SMC5: variants seen among roughly 807,000 people sequenced by gnomAD.
SMC5 encodes the protein structural maintenance of chromosomes protein 5.
A neutral mutation model predicts 148.3 loss-of-function variants in SMC5; 88 were observed. That is an observed-to-expected ratio of 0.59 (90% CI 0.50 to 0.71). The LOEUF (loss-of-function observed/expected upper bound fraction) is 0.71. SMC5 is among the 30% of genes least tolerant of loss of function. The pLI, the probability that SMC5 is intolerant of heterozygous loss-of-function variation, is 0.00. For synonymous variants in SMC5, 421 were observed against 432.8 expected (o/e 0.97, Z 0.34); for missense variants, 1,142 against 1,298.9 (o/e 0.88, Z 1.86).
chr9:70,268,124 A>C, intron 3 of SMC5, 149 bp downstream of exon 3: 2 of 631,856 alleles, frequency 3.2e-6, no homozygotes, highest in Non-Finnish European at 5.0e-6. Flanking sequence ...CCAGATAAGT[A>C]AGGGGTTTAA....
At chr9:70,326,412 A>G (rs1338121107) in intron 17 of SMC5, among the ~76,000 whole-genome samples, 1 of 152,092 alleles carries the variant, frequency 6.6e-6, no homozygotes, top group Non-Finnish European at 1.5e-5. Context: ...AGGCAAATGG[A>G]AATACAAATT....
rs775268552 is a variant in SMC5, at chr9:70,348,034, A to C, written c.2885A>C (p.Asn962Thr). 2 of 1,566,912 alleles carry C rather than the reference A, an allele frequency of 1.3e-6. No individual in the cohort carries two copies. Among genetic ancestry groups the C allele is most frequent in the African/African-American group, 2.8e-5 (2 of 72,136 alleles). ...GGTGAAGTTGATCTCCATACAGAAA[A>C]TGAGGTAAAATTGCATTTGAAATAA... ...CAGEVDLHTE[N>T]EEDYDKYGIR... The change falls in exon 22 of 25, where the codon AAT becomes ACT. Residue 962 changes from asparagine to threonine, a missense_variant. Physicochemically the swap from Asn to Thr is moderately conservative, Grantham distance 65 (BLOSUM62 0). Around this residue, in one of 5 missense-constraint regions of SMC5, gnomAD observed 743 missense variants for 835.7 expected, o/e 0.89. Transcript: ENST00000361138.
At chr9:70,323,666 TA>T in intron 16 of SMC5, 60 bp downstream of exon 16, 1 of 1,531,516 alleles carries the variant, frequency 6.5e-7, no homozygotes. Context: ...GATAAGATAG[TA>T]AAATCTTTAG....
intron 7 of SMC5, among the ~76,000 whole-genome samples, chr9:70,284,948 G>T (rs1249573074): frequency 6.6e-6 from 1 of 151,648 alleles, no homozygotes; most frequent in African/African-American, 2.4e-5. Flanking sequence ...CATAGCTTTT[G>T]AGACACACAG....
Position 70,286,210 on chromosome 9 carries a change from T to C in SMC5, c.992T>C (p.Ile331Thr), listed in dbSNP as rs762182423. ...EARIKEKATD[I>T]KEASQKCKQK... ...GGTTTAATTTTACAGGCAACAGATA[T>C]TAAGGAGGCATCTCAAAAATGCAAA... The change falls in exon 8 of 25, where the codon ATT becomes ACT. Residue 331 changes from isoleucine (I) to threonine (T), a missense_variant. Physicochemically the swap from Ile to Thr is moderately conservative, Grantham distance 89. This residue lies in a region of SMC5 where 743 missense variants were observed against 835.7 expected (regional missense o/e 0.89). Coordinates refer to ENST00000361138, the MANE Select transcript of SMC5 (RefSeq NM_015110.4). 2 of 1,532,840 alleles carry C rather than the reference T, an allele frequency of 1.3e-6. No individual in the cohort carries two copies. Among genetic ancestry groups the C allele is most frequent in the African/African-American group, 1.4e-5 (1 of 71,190 alleles). The allele number at this position is 1,532,840 out of a possible 1,614,324, so 95.0% of individuals were successfully genotyped here.
chr9:70,273,477 G>A (rs1047195418), intron 3 of SMC5, among the ~76,000 whole-genome samples: 10 of 151,528 alleles, frequency 6.6e-5, no homozygotes, highest in South Asian at 6.3e-4. Context: ...TGCATTTGTC[G>A]TATATCATGG....
chr9:70,347,594 T>C lies in SMC5; in HGVS notation c.2665-19T>C, dbSNP rs199625766. ...CTTTGGTAGATTTATCTTAAAGAAGTTTTTTTTTCCCCTGCCAGATTGTTC... is the reference window on the plus strand; with the variant it reads ...CTTTGGTAGATTTATCTTAAAGAAGCTTTTTTTTCCCCTGCCAGATTGTTC... On this transcript the variant is annotated intron_variant, in intron 20 of 24. Coordinates refer to ENST00000361138, the MANE Select transcript of SMC5 (RefSeq NM_015110.4). 5.0e-5 allele frequency: 67 copies of C among 1,331,862 alleles called. No homozygotes were observed. In the East Asian group the frequency reaches 1.5e-3, roughly 30 times the overall value. The allele number at this position is 1,331,862 out of a possible 1,614,324, so 82.5% of individuals were successfully genotyped here.
intron 22 of SMC5, 23 bp from the exon 23 acceptor site, chr9:70,350,091 A>T (rs748722014): frequency 6.5e-7 from 1 of 1,532,900 alleles, no homozygotes; most frequent in South Asian, 1.2e-5. Flanking sequence ...CTCATTTTTC[A>T]TCACTTTTTA....
At chr9:70,314,889 A>C (rs1427485521) in intron 12 of SMC5, 53 bp downstream of exon 12, 1 of 1,088,110 alleles carries the variant, frequency 9.2e-7, no homozygotes, top group Non-Finnish European at 1.3e-6. Flanking sequence ...TTCAACATTT[A>C]TTGTTACATA....
intron 9 of SMC5, among the ~76,000 whole-genome samples, chr9:70,298,734 C>T (rs202146969): frequency 7.5e-6 from 1 of 133,894 alleles, no homozygotes; most frequent in Non-Finnish European, 1.6e-5. Flanking sequence ...GTATGGCTAA[C>T]AAAAAAAAAA....
chr9:70,272,165 T>A (rs2034466578), intron 3 of SMC5, among the ~76,000 whole-genome samples: 1 of 152,162 alleles, frequency 6.6e-6, no homozygotes, highest in Non-Finnish European at 1.5e-5. Flanking sequence ...GAGCAAGATA[T>A]CAGGGAGGAC....
At chr9:70,259,377 G>A (rs970636162) in intron 1 of SMC5, 114 bp downstream of exon 1, 11 of 1,132,366 alleles carry the variant, frequency 9.7e-6, no homozygotes, top group Non-Finnish European at 1.2e-5. Context: ...TTGTGGGTCT[G>A]GCCTTGAATT....
At position 70,262,070 on chromosome 9, in the gene SMC5, A is replaced by C. The variant is rs1031186330; in HGVS notation, c.186-2234A>C. On this transcript the variant is annotated intron_variant, in intron 1 of 24. Coordinates refer to ENST00000361138, the MANE Select transcript of SMC5 (RefSeq NM_015110.4). ...TTTTAATGAGGGGATTTTGAGTTTT[A>C]GGCATGAGGTAGAGAAAGATGCGCT... is the stretch of plus-strand genomic sequence containing the variant. Among the ~76,000 whole-genome samples, 3 of 152,146 alleles carry C rather than the reference A, an allele frequency of 2.0e-5. No homozygotes were observed. In the East Asian group the frequency reaches 5.8e-4, roughly 29 times the overall value.
At chr9:70,320,838 T>C (rs1217640041) in intron 15 of SMC5, among the ~76,000 whole-genome samples, 4 of 152,342 alleles carry the variant, frequency 2.6e-5, no homozygotes, top group Admixed American at 2.0e-4. Flanking sequence ...TTGGCATTTT[T>C]AAAAATTTCA....
At chr9:70,326,165 C>T (rs980206261) in intron 17 of SMC5, among the ~76,000 whole-genome samples, 2 of 152,066 alleles carry the variant, frequency 1.3e-5, no homozygotes, top group Non-Finnish European at 1.5e-5. Flanking sequence ...CAACACTGTG[C>T]AGAATGTGAG....
chr9:70,280,665 G>A, intron 5 of SMC5, 94 bp from the exon 6 acceptor site: 1 of 1,188,446 alleles, frequency 8.4e-7, no homozygotes, highest in Admixed American at 2.4e-5. Flanking sequence ...TCTTTATTGT[G>A]AAATTTTGCC....
chr9:70,267,848 T>C, intron 2 of SMC5, 75 bp from the exon 3 acceptor site: 1 of 1,319,698 alleles, frequency 7.6e-7, no homozygotes, highest in Non-Finnish European at 1.1e-6. Flanking sequence ...TGACAAATAA[T>C]AATGACTGCT....
At chr9:70,299,276 T>C (rs976963562) in intron 9 of SMC5, among the ~76,000 whole-genome samples, 1 of 152,100 alleles carries the variant, frequency 6.6e-6, no homozygotes, top group African/African-American at 2.4e-5. Flanking sequence ...CTGAACCAAG[T>C]TGTGCATTAT....
intron 17 of SMC5, among the ~76,000 whole-genome samples, chr9:70,338,568 A>C (rs10868806): frequency 0.48 from 73,295 of 152,104 alleles, 20,752 homozygotes; most frequent in Non-Finnish European, 0.62. Context: ...GCAGAAATCT[A>C]CAGCTTTATA....
Sources: gnomAD v4.1 joint callset for allele counts (sites outside exome capture counted in the v4.1 genomes callset) on GRCh38, gnomAD v4.1.1 for gene constraint, gnomAD v4.1.1 regional missense constraint, MANE v1.5 for transcripts, NCBI Gene and HGNC (gene_info 2026-07-23, HGNC 2026-07-21) for gene names.